Variants in RCBTB2 observed in about 807,000 individuals in gnomAD.
The protein encoded by RCBTB2 is RCC1 and BTB domain-containing protein 2.
In RCBTB2, 55 loss-of-function variants were observed where a neutral mutation model predicts 65.4. That is an observed-to-expected ratio of 0.84 (90% CI 0.68 to 1.05). RCBTB2 has a LOEUF of 1.05. Ranked by LOEUF, RCBTB2 falls within the 50% of genes least tolerant of loss-of-function variation. RCBTB2 has a pLI of 0.00. For missense variants in RCBTB2, 599 were observed against 680.1 expected, an observed-to-expected ratio of 0.88 and a Z score of 1.33; for synonymous variants, 220 against 255.2, an observed-to-expected ratio of 0.86 and a Z score of 1.31.
At chr13:48,521,744 C>T (rs1377586559) in intron 4 of RCBTB2, among the ~76,000 whole-genome samples, 154 bp downstream of exon 4, 8 of 152,162 alleles carry the variant, frequency 5.3e-5, no homozygotes, top group Non-Finnish European at 1.0e-4. Context: ...ATACCCACAA[C>T]GATTATCTGT....
At chr13:48,511,969 A>G (rs769377680) in intron 8 of RCBTB2, 47 bp downstream of exon 8, 1 of 1,608,116 alleles carries the variant, frequency 6.2e-7, no homozygotes, top group South Asian at 1.1e-5. Flanking sequence ...CATGAGACTG[A>G]TGTGGCAAAC....
intron 10 of RCBTB2, chr13:48,504,186 G>T (rs1950377604): frequency 1.0e-6 from 1 of 985,368 alleles, no homozygotes; most frequent in Non-Finnish European, 1.2e-6. Context: ...AGCCTCCCAG[G>T]TCTCCCTTGC....
chr13:48,501,774 G>A lies in RCBTB2; in HGVS notation c.1212C>T (p.Tyr404=), dbSNP rs1410916952. Residue 404 remains tyrosine (Y), a synonymous_variant, in exon 12 of 15, where the codon TAC becomes TAT. Transcript: ENST00000344532. ...TGAGAAGGACTTTATGTGCATAAAT[G>A]TACTTTCCATCAACTAGAAACTTCA... ...ADLKFLVDGK[Y]IYAHKVLLKI... 3 of 1,612,828 alleles carry A rather than the reference G, an allele frequency of 1.9e-6. No individual in the cohort carries two copies. Among genetic ancestry groups the A allele is most frequent in the East Asian group, 2.2e-5 (1 of 44,872 alleles).
chr13:48,502,664 A>G (rs545903028), intron 11 of RCBTB2, 60 bp downstream of exon 11: 698 of 1,482,784 alleles, frequency 4.7e-4, no homozygotes, highest in Admixed American at 7.4e-4. Flanking sequence ...ATCAAAGTAA[A>G]GCCCTGAGCT....
At chr13:48,503,023 G>A (rs1377888367) in intron 10 of RCBTB2, 109 bp from the exon 11 acceptor site, 6 of 1,253,234 alleles carry the variant, frequency 4.8e-6, no homozygotes, top group Non-Finnish European at 4.3e-6. Context: ...ATTACAAAAA[G>A]GGTCAGGAAA....
At chr13:48,510,487 A>G in intron 10 of RCBTB2, 142 bp downstream of exon 10, 2 of 1,063,954 alleles carry the variant, frequency 1.9e-6, no homozygotes, top group Non-Finnish European at 2.7e-6. Flanking sequence ...TCCAAAGCCA[A>G]TTTTTCTAAA....
intron 1 of RCBTB2, among the ~76,000 whole-genome samples, chr13:48,527,341 T>TATATATATATC (rs1566336996): frequency 1.0e-4 from 13 of 124,118 alleles, no homozygotes; most frequent in African/African-American, 5.5e-4. Context: ...ATATATGATA[T>TATATATATATC]ATATATATAT....
intron 4 of RCBTB2, among the ~76,000 whole-genome samples, chr13:48,518,347 A>T (rs1951209823): frequency 6.6e-6 from 1 of 151,858 alleles, no homozygotes; most frequent in Admixed American, 6.6e-5. Context: ...ACCTTGCCCT[A>T]AAAAGGACAC....
intron 1 of RCBTB2, chr13:48,532,575 C>G (rs892297353): frequency 1.1e-5 from 2 of 177,212 alleles, no homozygotes; most frequent in Non-Finnish European, 1.2e-5. Context: ...TGACGCCCCC[C>G]CAGCCACACC....
At chr13:48,503,060 C>G in intron 10 of RCBTB2, 146 bp from the exon 11 acceptor site, 1 of 828,800 alleles carries the variant, frequency 1.2e-6, no homozygotes, top group Admixed American at 3.2e-5. Context: ...AAACAAACCA[C>G]CACATGACTC....
chr13:48,496,078 A>T (rs528479620), intron 14 of RCBTB2, 113 bp downstream of exon 14: 21 of 1,048,432 alleles, frequency 2.0e-5, no homozygotes, highest in African/African-American at 3.3e-5. Flanking sequence ...TTCATTTTTT[A>T]AAAAATATTA....
chr13:48,528,298 A>G (rs946438635), intron 1 of RCBTB2, among the ~76,000 whole-genome samples: 3 of 150,208 alleles, frequency 2.0e-5, no homozygotes, highest in African/African-American at 7.3e-5. Context: ...AGAAGGGGTG[A>G]AAAAAAATAG....
rs1368313392 is a variant in RCBTB2, at chr13:48,511,800, C to CA, written c.752dup (p.Ala252GlyfsTer24). ...GGACACGGATGCCTTGCAAAGCTGC[C>CA]ACTCTGCAAGGGGTTGGCTGGTTGC... On this transcript the variant is annotated frameshift_variant, in exon 9 of 15. Coordinates refer to ENST00000344532, the MANE Select transcript of RCBTB2 (RefSeq NM_001268.4). LOFTEE classifies it high-confidence loss of function. 4 of 1,614,066 alleles carry CA rather than the reference C, an allele frequency of 2.5e-6. No homozygotes were observed. The African/African-American group carries it at 5.3e-5, about 22-fold the overall frequency.
At chr13:48,501,706 T>A (rs971883507) in intron 12 of RCBTB2, 36 bp downstream of exon 12, 2 of 1,569,016 alleles carry the variant, frequency 1.3e-6, no homozygotes, top group Non-Finnish European at 1.8e-6. Context: ...GTTGAACGAA[T>A]TACTTTTCTC....
At position 48,489,865 on chromosome 13, in the gene RCBTB2, T is replaced by C; in HGVS notation, c.*246A>G. The C allele has an allele frequency of 4.0e-6, 2 of 501,994 alleles. No homozygotes were observed. The highest frequency in any genetic ancestry group is 7.1e-6 in the Non-Finnish European group (2 of 282,646). The allele number at this position is 501,994 out of a possible 1,614,324, so 31.1% of individuals were successfully genotyped here. Reference sequence around the variant, plus strand: ...ATTTAAGTGACTCAAAAAGAGGAAATGGTAAATAAGATATTTCAATTTTTT... The same window carrying C: ...ATTTAAGTGACTCAAAAAGAGGAAACGGTAAATAAGATATTTCAATTTTTT... On this transcript the variant is annotated 3_prime_UTR_variant, in exon 15 of 15. Coordinates refer to ENST00000344532, the MANE Select transcript of RCBTB2 (RefSeq NM_001268.4).
intron 13 of RCBTB2, 100 bp from the exon 14 acceptor site, chr13:48,496,421 T>C: frequency 8.0e-7 from 1 of 1,242,388 alleles, no homozygotes; most frequent in Non-Finnish European, 1.1e-6. Flanking sequence ...CTATTTTAGA[T>C]ATAATCCTCA....
rs980304739 is a variant in RCBTB2 at position 48,489,248 on chromosome 13, A to C, written c.*863T>G. The C allele has an allele frequency of 6.6e-6, 1 of 152,350 alleles. No homozygotes were observed. The highest frequency in any genetic ancestry group is 1.9e-4 in the East Asian group (1 of 5,190). 9.4% of individuals were successfully genotyped at this position (152,350 alleles called of 1,614,324 possible). On this transcript the variant is annotated 3_prime_UTR_variant, in exon 15 of 15. Coordinates refer to ENST00000344532, the MANE Select transcript of RCBTB2 (RefSeq NM_001268.4). Reference sequence around the variant, plus strand: ...ATACTGGTGCCAGGTTAAGAGACCTATTTTATAGTGAGTGACATGAAAGTC... The same window carrying C: ...ATACTGGTGCCAGGTTAAGAGACCTCTTTTATAGTGAGTGACATGAAAGTC...
intron 4 of RCBTB2, among the ~76,000 whole-genome samples, chr13:48,518,472 A>AAAAAAAAATATAT (rs1491137365): frequency 2.6e-5 from 3 of 116,618 alleles, no homozygotes; most frequent in African/African-American, 1.1e-4. Flanking sequence ...AAAAAAAAAA[A>AAAAAAAAATATAT]ATATATATAT....
At chr13:48,521,758 C>T in intron 4 of RCBTB2, 140 bp downstream of exon 4, 1 of 752,052 alleles carries the variant, frequency 1.3e-6, no homozygotes, top group Non-Finnish European at 2.2e-6. Context: ...TATCTGTTGG[C>T]ATCTCAGTGA....
Sources: allele counts gnomAD v4.1 joint callset (sites outside exome capture counted in the v4.1 genomes callset), GRCh38; gene constraint gnomAD v4.1.1; transcripts MANE v1.5; gene names NCBI Gene and HGNC (gene_info 2026-07-23, HGNC 2026-07-21).